Variants in KIF13B observed in about 807,000 individuals in gnomAD.
KIF13B encodes the protein kinesin-like protein KIF13B.
KIF13B carries 127 observed loss-of-function variants against 222.0 expected under a neutral mutation model. The ratio of observed to expected loss-of-function variants is 0.57; its 90% CI spans 0.50 to 0.66. KIF13B has a LOEUF of 0.66. Ranked by LOEUF, KIF13B falls within the 30% of genes least tolerant of loss-of-function variation. The probability of loss-of-function intolerance (pLI) is 0.00; values close to 1 mark genes in which losing one functional copy is unlikely to be tolerated. For synonymous variants in KIF13B, 976 were observed against 919.0 expected (o/e 1.06, Z -1.12); for missense variants, 2,173 against 2,379.0 (o/e 0.91, Z 1.80).
At chr8:29,097,375 T>G (rs7844537) in intron 36 of KIF13B, among the ~76,000 whole-genome samples, 132,243 of 152,180 alleles carry the variant, frequency 0.87, 58,044 homozygotes, top group Non-Finnish European at 0.93. Flanking sequence ...GGGAAACACA[T>G]ATAATTTTCA....
intron 29 of KIF13B, among the ~76,000 whole-genome samples, chr8:29,119,404 G>C (rs929368706): frequency 4.6e-5 from 7 of 152,186 alleles, no homozygotes; most frequent in African/African-American, 1.7e-4. Context: ...TGGCTGCATG[G>C]GCTGGAAATG....
chr8:29,132,414 C>A lies in KIF13B; in HGVS notation c.2836G>T (p.Ala946Ser). The A allele has an allele frequency of 6.3e-7, 1 of 1,586,844 alleles. No individual in the cohort carries two copies. The highest frequency in any genetic ancestry group is 1.2e-5 in the South Asian group (1 of 86,694). Residue 946 changes from alanine (A) to serine (S), a missense_variant, in exon 23 of 40, where the codon GCA becomes TCA. Coordinates refer to ENST00000524189, the MANE Select transcript of KIF13B (RefSeq NM_015254.4). ...EDFIEHLSEG[A>S]LAIEVYGHKI... Reference sequence around the variant, plus strand: ...TGTCCATATACTTCAATTGCCAATGCTCCTTCGGAAAGATGCTCGATAAAG... The same window carrying A: ...TGTCCATATACTTCAATTGCCAATGATCCTTCGGAAAGATGCTCGATAAAG...
Position 29,160,864 on chromosome 8 carries a change from G to C in KIF13B, c.1273C>G (p.Arg425Gly). The C allele has an allele frequency of 6.2e-7, 1 of 1,612,740 alleles. No individual in the cohort carries two copies. Among genetic ancestry groups the C allele is most frequent in the Non-Finnish European group, 8.5e-7 (1 of 1,179,172 alleles). ...CCAAGACTCTCAAGCTGTTTCTGTC[G>C]TTCCTGTAAATGTTATCAGAGAAGT... is the stretch of plus-strand genomic sequence containing the variant. ...LRKTEEIAQE[R>G]QKQLESLGIS... Residue 425 changes from arginine (R) to glycine (G), a missense_variant, in exon 13 of 40, where the codon CGA becomes GGA. By Grantham distance (125) the Arg-to-Gly change is moderately radical. Coordinates refer to ENST00000524189, the MANE Select transcript of KIF13B (RefSeq NM_015254.4).
At chr8:29,139,042 AG>A (rs1810691417) in intron 21 of KIF13B, among the ~76,000 whole-genome samples, 1 of 151,998 alleles carries the variant, frequency 6.6e-6, no homozygotes, top group Non-Finnish European at 1.5e-5. Flanking sequence ...GTGCTAAGGG[AG>A]GGGGGCAGCA....
chr8:29,178,882 T>C (rs550912084), intron 8 of KIF13B, among the ~76,000 whole-genome samples: 2 of 152,282 alleles, frequency 1.3e-5, no homozygotes, highest in East Asian at 1.9e-4. Flanking sequence ...TAATAAAATA[T>C]GTAAAATTCA....
chr8:29,118,316 C>A (rs1412695741), intron 30 of KIF13B, among the ~76,000 whole-genome samples: 2 of 151,188 alleles, frequency 1.3e-5, no homozygotes, highest in Non-Finnish European at 3.0e-5. Flanking sequence ...ATGGTGAAAC[C>A]CCATCTCTAC....
intron 12 of KIF13B, among the ~76,000 whole-genome samples, chr8:29,164,739 T>C (rs1464453309): frequency 6.6e-6 from 1 of 152,162 alleles, no homozygotes; most frequent in African/African-American, 2.4e-5. Context: ...TGGAAAATCA[T>C]GAAACAGGAA....
intron 34 of KIF13B, among the ~76,000 whole-genome samples, chr8:29,108,657 G>A (rs1012290486): frequency 3.3e-5 from 5 of 152,198 alleles, no homozygotes; most frequent in African/African-American, 1.2e-4. Flanking sequence ...CTGAATAAAT[G>A]AGACGTTATC....
chr8:29,233,839 G>C (rs1334924200), intron 2 of KIF13B, among the ~76,000 whole-genome samples: 1 of 152,194 alleles, frequency 6.6e-6, no homozygotes, highest in Non-Finnish European at 1.5e-5. Flanking sequence ...AGGTGACAGA[G>C]TGAGACTTTG....
chr8:29,262,860 C>T lies in KIF13B; in HGVS notation c.55+120G>A, dbSNP rs978606937. The T allele has an allele frequency of 5.4e-6, 4 of 738,554 alleles. No individual in the cohort carries two copies. In the African/African-American group the frequency reaches 5.7e-5, roughly 11 times the overall value. 45.8% of individuals were successfully genotyped at this position (738,554 alleles called of 1,614,324 possible). A position where few individuals can be genotyped will look rare whatever the true frequency, so the allele number is the denominator to read the frequency against. ...GGGTTTCAGGGTCCCCGGGCCCCTCCTCGCGCCCCGCCGCTGACTATAGGG... is the reference window on the plus strand; with the variant it reads ...GGGTTTCAGGGTCCCCGGGCCCCTCTTCGCGCCCCGCCGCTGACTATAGGG... On this transcript the variant is annotated intron_variant, in intron 1 of 39. Coordinates refer to ENST00000524189, the MANE Select transcript of KIF13B (RefSeq NM_015254.4).
rs906468590 is a variant in KIF13B at position 29,071,627 on chromosome 8, C to A, written c.5211G>T (p.Leu1737=). The A allele has an allele frequency of 1.0e-5, 16 of 1,551,602 alleles. No individual in the cohort carries two copies. Among genetic ancestry groups the A allele is most frequent in the African/African-American group, 2.7e-5 (2 of 73,078 alleles). The change falls in exon 39 of 40, where the codon CTG becomes CTT. Residue 1737 remains leucine, a synonymous_variant. Coordinates refer to ENST00000524189, the MANE Select transcript of KIF13B (RefSeq NM_015254.4). This position sits in a 1 kb window ranked among gnomAD's most constrained non-coding sequence, Gnocchi z 4.9. ...EGTWVGVELD[L]PSGKNDGSIG... is the part of the protein sequence containing the mutation. ...GGAGTGCCCGGTACCCACCTGAGGG[C>A]AGGTCGAGCTCCACGCCGACCCACG... is the stretch of plus-strand genomic sequence containing the variant.
intron 8 of KIF13B, among the ~76,000 whole-genome samples, chr8:29,178,481 G>A (rs1163874334): frequency 1.3e-5 from 2 of 151,952 alleles, no homozygotes; most frequent in African/African-American, 2.4e-5. Flanking sequence ...GCACATACAT[G>A]TAACATACTT....
intron 12 of KIF13B, among the ~76,000 whole-genome samples, chr8:29,163,764 G>C (rs1811880373): frequency 6.6e-6 from 1 of 152,196 alleles, no homozygotes; most frequent in South Asian, 2.1e-4. Context: ...GGACCCCTGA[G>C]AGAGGAAAAG....
chr8:29,172,862 G>A (rs1255127365), intron 10 of KIF13B, among the ~76,000 whole-genome samples: 2 of 151,910 alleles, frequency 1.3e-5, no homozygotes, highest in Non-Finnish European at 2.9e-5. Context: ...GTGATTACCC[G>A]TGCCATTTTC....
At chr8:29,257,507 G>A (rs565719305) in intron 1 of KIF13B, among the ~76,000 whole-genome samples, 51 of 152,204 alleles carry the variant, frequency 3.4e-4, no homozygotes, top group Admixed American at 1.7e-3. Context: ...TGGAAAAGTC[G>A]GACAGTTATT....
At position 29,131,571 on chromosome 8, in the gene KIF13B, G is replaced by A. The variant is rs549458791; in HGVS notation, c.2942+737C>T. On this transcript the variant is annotated intron_variant, in intron 23 of 39. Transcript: ENST00000524189. The stretch of plus-strand genomic sequence containing the variant: ...AATTAGGTGAAAAGCACAAACATAT[G>A]CAATTTCAGTCAATCCCTTTTAATG... 2.0e-5 allele frequency among the ~76,000 whole-genome samples: 3 copies of A among 152,236 alleles called. No homozygotes were observed. The East Asian group carries it at 5.8e-4, about 29-fold the overall frequency.
chr8:29,195,773 C>A (rs761123229), intron 3 of KIF13B, among the ~76,000 whole-genome samples: 3 of 152,230 alleles, frequency 2.0e-5, no homozygotes, highest in Admixed American at 6.5e-5. Flanking sequence ...TCGGTTTTGA[C>A]CGCAGTTTGG....
chr8:29,142,855 A>G (rs970026729), intron 18 of KIF13B, among the ~76,000 whole-genome samples: 2 of 143,770 alleles, frequency 1.4e-5, no homozygotes, highest in South Asian at 2.5e-4. Context: ...AAATATATAC[A>G]TGTGTGTGTG....
chr8:29,143,718 C>T (rs547823594), intron 18 of KIF13B, among the ~76,000 whole-genome samples: 14 of 152,080 alleles, frequency 9.2e-5, no homozygotes, highest in East Asian at 3.9e-4. Context: ...TGGTGGTGGG[C>T]GCCTGTAGTC....
Sources: gnomAD v4.1 joint callset for allele counts (sites outside exome capture counted in the v4.1 genomes callset) on GRCh38, gnomAD v4.1.1 for gene constraint, Gnocchi (gnomAD v3.1) non-coding constraint, MANE v1.5 for transcripts, NCBI Gene and HGNC (gene_info 2026-07-23, HGNC 2026-07-21) for gene names.